Variants in SCGB2B2 observed in about 807,000 individuals in gnomAD.
The protein encoded by SCGB2B2 is secretoglobin-like protein.
In SCGB2B2, 11 loss-of-function variants were observed where a neutral mutation model predicts 7.6. That is an observed-to-expected ratio of 1.45 (90% CI 0.91 to 2.40). SCGB2B2 has a LOEUF of 2.40. Among genes scored for constraint, SCGB2B2 ranks in the 30% most tolerant of loss-of-function variants. SCGB2B2 has a pLI of 0.00. For synonymous variants in SCGB2B2, 50 were observed against 48.6 expected (o/e 1.03, Z -0.12); for missense variants, 104 against 115.4 (o/e 0.90, Z 0.45).
At chr19:34,638,928 T>C (rs1281290860) in intron 1 of SCGB2B2, among the ~76,000 whole-genome samples, 1 of 152,116 alleles carries the variant, frequency 6.6e-6, no homozygotes, top group Non-Finnish European at 1.5e-5. Context: ...GTTGCAAACC[T>C]TAGATCTACA....
intron 1 of SCGB2B2, among the ~76,000 whole-genome samples, chr19:34,656,269 C>A (rs2067280749): frequency 6.6e-6 from 1 of 151,346 alleles, no homozygotes; most frequent in African/African-American, 2.5e-5. Context: ...TCATTAAATG[C>A]AAGTGAGATA....
In SCGB2B2 at chr19:34,676,711, C is replaced by T. The variant is rs2067964108; in HGVS notation, c.-3113G>A. 6.6e-6 allele frequency: 1 copy of T among 152,186 alleles called. No individual in the cohort carries two copies. The highest frequency in any genetic ancestry group is 1.5e-5 in the Non-Finnish European group (1 of 68,042). The allele number at this position is 152,186 out of a possible 1,614,324, so 9.4% of individuals were successfully genotyped here. A position where few individuals can be genotyped will look rare whatever the true frequency, so the allele number is the denominator to read the frequency against. ...GAAGCACTGCTTCACGAAGATCATG[C>T]AGGTCAGTACTTAATAAGTACAAAA... On this transcript the variant is annotated 5_prime_UTR_variant, in exon 1 of 4. Transcript: ENST00000601241.
At chr19:34,661,811 A>G (rs1380951789) in intron 1 of SCGB2B2, among the ~76,000 whole-genome samples, 2 of 151,044 alleles carry the variant, frequency 1.3e-5, no homozygotes, top group South Asian at 2.1e-4. Context: ...TTTTAAAAAC[A>G]TTATGAGTTT....
At chr19:34,628,847 G>A (rs1056222844) in intron 1 of SCGB2B2, among the ~76,000 whole-genome samples, 2 of 151,994 alleles carry the variant, frequency 1.3e-5, no homozygotes, top group African/African-American at 4.8e-5. Context: ...TATCGTTGAT[G>A]AACATCGATG....
chr19:34,639,400 T>C (rs533061549), intron 1 of SCGB2B2, among the ~76,000 whole-genome samples: 1 of 152,242 alleles, frequency 6.6e-6, no homozygotes, highest in African/African-American at 2.4e-5. Context: ...CTACCAAATA[T>C]AGAAAACACA....
At chr19:34,660,812 G>A (rs1304429459) in intron 1 of SCGB2B2, among the ~76,000 whole-genome samples, 1 of 152,134 alleles carries the variant, frequency 6.6e-6, no homozygotes, top group African/African-American at 2.4e-5. Context: ...CTACTATAAA[G>A]ACACATGTAC....
Position 34,592,445 on chromosome 19 carries a change from G to A in SCGB2B2, c.*1110C>T, listed in dbSNP as rs1379363512. ...GGAGGTCTCGCTGACCTGAGCAGGA[G>A]GGAGGGACAGGGTTTGGAGGGTGTC... On this transcript the variant is annotated 3_prime_UTR_variant, in exon 4 of 4. Transcript: ENST00000601241. Among the ~76,000 whole-genome samples the A allele has an allele frequency of 1.3e-5, 2 of 152,178 alleles. No individual in the cohort carries two copies. Among genetic ancestry groups the A allele is most frequent in the Non-Finnish European group, 2.9e-5 (2 of 68,030 alleles).
chr19:34,644,976 G>A (rs968910263), intron 1 of SCGB2B2, among the ~76,000 whole-genome samples: 1 of 152,212 alleles, frequency 6.6e-6, no homozygotes, highest in Non-Finnish European at 1.5e-5. Context: ...TTTCACAGAT[G>A]AGCAAGCTGA....
intron 1 of SCGB2B2, among the ~76,000 whole-genome samples, chr19:34,674,309 A>G (rs909444630): frequency 9.9e-5 from 15 of 152,236 alleles, no homozygotes; most frequent in African/African-American, 3.4e-4. Context: ...AATCTCTAGA[A>G]GAGAAAGGCA....
rs907664006 is a variant in SCGB2B2 at position 34,591,065 on chromosome 19, T to C, written c.*2490A>G. Among the ~76,000 whole-genome samples, 14 of 152,206 alleles carry C rather than the reference T, an allele frequency of 9.2e-5. No individual in the cohort carries two copies. The highest frequency in any genetic ancestry group is 3.4e-4 in the African/African-American group (14 of 41,462). ...TTTAGCTCCACAGATTTAAATTCCA[T>C]TGAAATGCTGAAATTTACATGTTTT... is the stretch of plus-strand genomic sequence containing the variant. On this transcript the variant is annotated 3_prime_UTR_variant, in exon 4 of 4. Transcript: ENST00000601241.
chr19:34,594,578 G>A lies in SCGB2B2; in HGVS notation c.-15C>T. On this transcript the variant is annotated 5_prime_UTR_variant, in exon 2 of 4. Coordinates refer to ENST00000601241, the MANE Select transcript of SCGB2B2 (RefSeq NM_001025591.4). ...GTCACCCTCATGACAGCGGAGTCTGGTCCCAGCAGGCACAGGCAGGGAATT... is the reference window on the plus strand; with the variant it reads ...GTCACCCTCATGACAGCGGAGTCTGATCCCAGCAGGCACAGGCAGGGAATT... 3.1e-6 allele frequency: 5 copies of A among 1,611,762 alleles called. No individual in the cohort carries two copies. Among genetic ancestry groups the A allele is most frequent in the South Asian group, 1.1e-5 (1 of 90,986 alleles).
intron 1 of SCGB2B2, chr19:34,608,660 C>CATATATATATATATATATACATAT (rs2065844501): frequency 1.1e-5 from 1 of 87,244 alleles, no homozygotes; most frequent in African/African-American, 5.7e-5. Context: ...TGTCTCATTG[C>CATATATATATATATATATACATAT]ATATATATAT....
At chr19:34,625,089 A>C (rs571759023) in intron 1 of SCGB2B2, among the ~76,000 whole-genome samples, 2 of 152,294 alleles carry the variant, frequency 1.3e-5, no homozygotes, top group South Asian at 4.1e-4. Flanking sequence ...CTACTGAGTA[A>C]CATTTCTGCA....
At chr19:34,614,796 T>C (rs1166339529) in intron 1 of SCGB2B2, among the ~76,000 whole-genome samples, 1 of 152,252 alleles carries the variant, frequency 6.6e-6, no homozygotes. Flanking sequence ...GATATTCTTG[T>C]GCCAGTTGGC....
intron 1 of SCGB2B2, among the ~76,000 whole-genome samples, chr19:34,661,109 T>G (rs915845945): frequency 1.7e-5 from 2 of 116,130 alleles, no homozygotes; most frequent in Non-Finnish European, 3.4e-5. Flanking sequence ...GAATATCACA[T>G]GTCGGGGCCT....
intron 1 of SCGB2B2, among the ~76,000 whole-genome samples, chr19:34,671,677 T>C (rs1454831068): frequency 6.6e-6 from 1 of 152,242 alleles, no homozygotes; most frequent in Non-Finnish European, 1.5e-5. Context: ...TAGTTTTCAA[T>C]GTACATATCT....
At position 34,639,756 on chromosome 19, in the gene SCGB2B2, C is replaced by T. The variant is rs16969586; in HGVS notation, c.-2032+35874G>A. On this transcript the variant is annotated intron_variant, in intron 1 of 3. Coordinates refer to ENST00000601241, the MANE Select transcript of SCGB2B2 (RefSeq NM_001025591.4). ...TTTGCTTACCCTTTCTTCCTCTTCACTGGTTTAGATCTTGCTCTTTGATGG... is the reference window on the plus strand; with the variant it reads ...TTTGCTTACCCTTTCTTCCTCTTCATTGGTTTAGATCTTGCTCTTTGATGG... Among the ~76,000 whole-genome samples, 1,299 of 152,314 alleles carry T rather than the reference C, an allele frequency of 8.5e-3. 22 individuals are homozygous for T. The highest frequency in any genetic ancestry group is 0.03 in the African/African-American group (1,234 of 41,558).
At chr19:34,648,741 T>A (rs1035708001) in intron 1 of SCGB2B2, among the ~76,000 whole-genome samples, 4 of 151,594 alleles carry the variant, frequency 2.6e-5, no homozygotes, top group African/African-American at 7.3e-5. Context: ...TATTACTCTT[T>A]AATATTTTTA....
At chr19:34,673,439 T>C (rs1426059985) in intron 1 of SCGB2B2, among the ~76,000 whole-genome samples, 2 of 152,154 alleles carry the variant, frequency 1.3e-5, no homozygotes, top group Non-Finnish European at 2.9e-5. Flanking sequence ...TTCTTGGATC[T>C]TGTTCAGGAA....
Sources: gnomAD v4.1 joint callset for allele counts (sites outside exome capture counted in the v4.1 genomes callset) on GRCh38, gnomAD v4.1.1 for gene constraint, MANE v1.5 for transcripts, NCBI Gene and HGNC (gene_info 2026-07-23, HGNC 2026-07-21) for gene names.